Variants in NTRK3 observed in about 807,000 individuals in gnomAD.
NTRK3 encodes neurotrophic receptor tyrosine kinase 3.
A neutral mutation model predicts 91.7 loss-of-function variants in NTRK3; 24 were observed. The ratio of observed to expected loss-of-function variants is 0.26; its 90% CI spans 0.19 to 0.37. The LOEUF (loss-of-function observed/expected upper bound fraction) is 0.37. Ranked by LOEUF, NTRK3 falls within the 10% of genes least tolerant of loss-of-function variation. NTRK3 has a pLI of 1.00. For synonymous variants in NTRK3, 483 were observed against 404.0 expected, an observed-to-expected ratio of 1.20 and a Z score of -2.34; for missense variants, 880 against 1,068.9, an observed-to-expected ratio of 0.82 and a Z score of 2.46.
Position 88,106,052 on chromosome 15 carries a change from C to T in NTRK3, c.1396+20219G>A, listed in dbSNP as rs536387160. ...GAGCATTTGTAGGTGTGTATGTGTG[C>T]GTATGTTCAAGGATTCTGTTGTCAA... On this transcript the variant is annotated intron_variant, in intron 13 of 18. Coordinates refer to ENST00000394480, the Ensembl canonical transcript of NTRK3. Among the ~76,000 whole-genome samples, 4 of 152,210 alleles carry T rather than the reference C, an allele frequency of 2.6e-5. No individual in the cohort carries two copies. The South Asian group carries it at 8.3e-4, about 32-fold the overall frequency.
At chr15:88,165,137 G>C (rs762497757) in intron 5 of NTRK3, among the ~76,000 whole-genome samples, 2 of 152,168 alleles carry the variant, frequency 1.3e-5, no homozygotes, top group Non-Finnish European at 2.9e-5. Flanking sequence ...AGAAACAAGC[G>C]GGAACAGAAC....
chr15:88,251,586 A>G (rs1301678101), intron 3 of NTRK3, among the ~76,000 whole-genome samples: 1 of 152,270 alleles, frequency 6.6e-6, no homozygotes, highest in Admixed American at 6.5e-5. Context: ...GACCCAGGCC[A>G]CAGTGGAAAT....
At chr15:88,183,012 A>ACCCCCCCCCCCCCCCCCCCCC (rs370707792) in intron 5 of NTRK3, among the ~76,000 whole-genome samples, 11 of 119,872 alleles carry the variant, frequency 9.2e-5, no homozygotes, top group Non-Finnish European at 1.4e-4. Flanking sequence ...TCTTCTTGCA[A>ACCCCCCCCCCCCCCCCCCCCC]CCCCCCCCCG....
At chr15:88,088,708 G>A (rs986846972) in intron 13 of NTRK3, among the ~76,000 whole-genome samples, 4 of 152,174 alleles carry the variant, frequency 2.6e-5, no homozygotes, top group Non-Finnish European at 5.9e-5. Context: ...TGTGGACTGT[G>A]AAGTGAATCA....
chr15:88,065,276 A>G (rs1156780096), intron 13 of NTRK3, among the ~76,000 whole-genome samples: 1 of 152,178 alleles, frequency 6.6e-6, no homozygotes, highest in Non-Finnish European at 1.5e-5. Context: ...ACACCAGGGG[A>G]AGAAATCCAT....
At chr15:87,991,419 T>A (rs1267846599) in intron 14 of NTRK3, among the ~76,000 whole-genome samples, 2 of 152,180 alleles carry the variant, frequency 1.3e-5, no homozygotes, top group Admixed American at 6.5e-5. Context: ...AGCCGTCTGC[T>A]CCTCTCTCCA....
intron 13 of NTRK3, among the ~76,000 whole-genome samples, chr15:88,055,610 T>C (rs1445654528): frequency 2.6e-5 from 4 of 152,092 alleles, no homozygotes; most frequent in Non-Finnish European, 4.4e-5. Flanking sequence ...CTCTCTGACA[T>C]AGATAAGGTA....
chr15:88,163,979 G>T (rs2044701001), intron 5 of NTRK3, among the ~76,000 whole-genome samples: 2 of 152,160 alleles, frequency 1.3e-5, no homozygotes, highest in African/African-American at 4.8e-5. Context: ...GCATCATTTT[G>T]TTTTCTCTAT....
At chr15:88,042,677 C>G (rs1457130408) in intron 13 of NTRK3, among the ~76,000 whole-genome samples, 3 of 152,184 alleles carry the variant, frequency 2.0e-5, no homozygotes, top group Non-Finnish European at 4.4e-5. Flanking sequence ...TGCTCATCAA[C>G]CAGCCCAAGA....
intron 14 of NTRK3, among the ~76,000 whole-genome samples, chr15:88,029,158 G>T (rs531864514): frequency 6.6e-6 from 1 of 152,094 alleles, no homozygotes; most frequent in Non-Finnish European, 1.5e-5. Context: ...TAATGAGGGG[G>T]GCTTTATTAG....
chr15:88,016,093 G>A lies in NTRK3; in HGVS notation c.1585+16764C>T, dbSNP rs74589402. 4.9e-4 allele frequency among the ~76,000 whole-genome samples: 74 copies of A among 152,262 alleles called. No individual in the cohort carries two copies. In the East Asian group the frequency reaches 0.014, roughly 28 times the overall value. On this transcript the variant is annotated intron_variant, in intron 14 of 18. Coordinates refer to ENST00000394480, the Ensembl canonical transcript of NTRK3. Reference sequence around the variant, plus strand: ...TTAGCCTGTGCATATAAGGCAAAATGTCATGCATTCATCACTTGGGGTGGC... The same window carrying A: ...TTAGCCTGTGCATATAAGGCAAAATATCATGCATTCATCACTTGGGGTGGC...
At chr15:87,873,579 G>A (rs1311501989) in exon 19 of NTRK3, 2 of 232,018 alleles carry the variant, frequency 8.6e-6, no homozygotes, top group Non-Finnish European at 1.7e-5. Context: ...GCTCTCAGAG[G>A]CGATGTGACA....
intron 3 of NTRK3, among the ~76,000 whole-genome samples, chr15:88,215,086 A>G (rs952573655): frequency 1.3e-5 from 2 of 152,222 alleles, no homozygotes; most frequent in African/African-American, 2.4e-5. Context: ...AGAGAAAGGT[A>G]TCTGGGTTCC....
At chr15:87,887,434 G>C (rs2065613644) in intron 17 of NTRK3, among the ~76,000 whole-genome samples, 1 of 152,174 alleles carries the variant, frequency 6.6e-6, no homozygotes, top group African/African-American at 2.4e-5. Flanking sequence ...CAAAATAAGA[G>C]TGAAGCAACA....
intron 5 of NTRK3, among the ~76,000 whole-genome samples, chr15:88,176,141 T>TC (rs1456491858): frequency 6.8e-6 from 1 of 146,060 alleles, no homozygotes; most frequent in Non-Finnish European, 1.5e-5. Flanking sequence ...CCCTTCTTTT[T>TC]TTTTTTTTTT....
At chr15:88,163,421 G>A (rs2044647244) in intron 5 of NTRK3, among the ~76,000 whole-genome samples, 1 of 152,084 alleles carries the variant, frequency 6.6e-6, no homozygotes, top group Admixed American at 6.6e-5. Flanking sequence ...AGCCTTCCCT[G>A]ACCACCACCT....
chr15:87,957,952 G>C (rs1283193978), intron 14 of NTRK3, among the ~76,000 whole-genome samples: 1 of 152,192 alleles, frequency 6.6e-6, no homozygotes, highest in Non-Finnish European at 1.5e-5. Context: ...AGGAACTCAG[G>C]TGACTTAGGA....
intron 5 of NTRK3, among the ~76,000 whole-genome samples, chr15:88,169,018 C>A (rs145394981): frequency 6.6e-6 from 1 of 152,144 alleles, no homozygotes; most frequent in Non-Finnish European, 1.5e-5. Flanking sequence ...GTCGAGGGAA[C>A]GGCACAGGCA....
intron 5 of NTRK3, among the ~76,000 whole-genome samples, chr15:88,149,881 A>C: frequency 6.6e-6 from 1 of 152,208 alleles, no homozygotes; most frequent in East Asian, 1.9e-4. Context: ...CTAGGTAGAA[A>C]TCTTCTGTTT....
Sources: allele counts gnomAD v4.1 joint callset (sites outside exome capture counted in the v4.1 genomes callset), GRCh38; gene constraint gnomAD v4.1.1; transcripts MANE v1.5; gene names NCBI Gene and HGNC (gene_info 2026-07-23, HGNC 2026-07-21).